The following TENM4 variants were observed in gnomAD, a reference collection of about 807,000 sequenced individuals.
The protein encoded by TENM4 is teneurin-4.
A neutral mutation model predicts 243.3 loss-of-function variants in TENM4; 82 were observed. The ratio of observed to expected loss-of-function variants is 0.34; its 90% CI spans 0.28 to 0.40. TENM4 has a LOEUF of 0.40. TENM4 is among the 10% of genes least tolerant of loss of function. TENM4 has a pLI of 1.00. For missense variants in TENM4, 3,138 were observed against 3,673.3 expected (o/e 0.85, Z 3.77); for synonymous variants, 1,412 against 1,456.3 (o/e 0.97, Z 0.69).
At chr11:78,815,106 G>T (rs1857577243) in intron 12 of TENM4, among the ~76,000 whole-genome samples, 1 of 152,200 alleles carries the variant, frequency 6.6e-6, no homozygotes, top group South Asian at 2.1e-4. Context: ...CTCTTTTCTG[G>T]CTGGGCGTGG....
intron 2 of TENM4, among the ~76,000 whole-genome samples, chr11:79,251,823 A>T (rs1312965102): frequency 6.6e-6 from 1 of 151,348 alleles, no homozygotes; most frequent in Non-Finnish European, 1.5e-5. Flanking sequence ...AAAAAAAAAC[A>T]TTATCACTAA....
At chr11:78,931,424 T>C (rs1856666459) in intron 6 of TENM4, among the ~76,000 whole-genome samples, 1 of 152,136 alleles carries the variant, frequency 6.6e-6, no homozygotes, top group South Asian at 2.1e-4. Flanking sequence ...AGCACTGGTG[T>C]TTTCAGTAGT....
intron 1 of TENM4, among the ~76,000 whole-genome samples, chr11:79,382,131 G>C (rs1858016875): frequency 6.6e-6 from 1 of 152,154 alleles, no homozygotes; most frequent in Non-Finnish European, 1.5e-5. Flanking sequence ...ATAGGTACAG[G>C]GAGTTGCCCA....
At chr11:79,085,418 T>A (rs556618547) in intron 4 of TENM4, among the ~76,000 whole-genome samples, 5 of 151,848 alleles carry the variant, frequency 3.3e-5, no homozygotes, top group South Asian at 4.2e-4. Flanking sequence ...TCAGGCTTTT[T>A]TGAGTCAGGC....
intron 21 of TENM4, among the ~76,000 whole-genome samples, chr11:78,731,537 G>C (rs1855668404): frequency 6.6e-6 from 1 of 152,204 alleles, no homozygotes. Flanking sequence ...CATTAGGCAG[G>C]TGAGACAACC....
intron 3 of TENM4, among the ~76,000 whole-genome samples, chr11:79,190,805 C>T (rs1326051248): frequency 9.6e-6 from 1 of 103,836 alleles, no homozygotes; most frequent in Non-Finnish European, 1.9e-5. Flanking sequence ...CCCTCTCCCT[C>T]TCCCGTCTCC....
intron 12 of TENM4, among the ~76,000 whole-genome samples, chr11:78,836,400 A>G (rs1858116861): frequency 6.6e-6 from 1 of 152,120 alleles, no homozygotes. Context: ...AAGAGCCTTA[A>G]TTTTTCTGAA....
intron 7 of TENM4, among the ~76,000 whole-genome samples, chr11:78,896,871 T>C (rs541218841): frequency 2.1e-4 from 32 of 152,088 alleles, no homozygotes; most frequent in Non-Finnish European, 4.4e-4. Context: ...TCTTCATCTC[T>C]AATATGGGGA....
chr11:79,132,209 G>A (rs935919233), intron 4 of TENM4, among the ~76,000 whole-genome samples: 21 of 151,654 alleles, frequency 1.4e-4, no homozygotes, highest in African/African-American at 3.9e-4. Flanking sequence ...AGCCGGGCGC[G>A]GTGGTGGGTG....
intron 1 of TENM4, among the ~76,000 whole-genome samples, chr11:79,399,987 T>A (rs1858423147): frequency 6.6e-6 from 1 of 152,098 alleles, no homozygotes; most frequent in African/African-American, 2.4e-5. Flanking sequence ...AAATCCTTCT[T>A]TAAACAACCC....
chr11:79,382,164 G>C (rs1043272460), intron 1 of TENM4, among the ~76,000 whole-genome samples: 2 of 152,188 alleles, frequency 1.3e-5, no homozygotes, highest in African/African-American at 4.8e-5. Context: ...TCATTAGGGG[G>C]AGGGCCAAGA....
intron 12 of TENM4, among the ~76,000 whole-genome samples, chr11:78,840,976 T>A (rs1020778654): frequency 1.3e-5 from 2 of 152,150 alleles, no homozygotes; most frequent in Admixed American, 1.3e-4. Flanking sequence ...ATTACAAACT[T>A]AAAGTTAGGT....
intron 6 of TENM4, among the ~76,000 whole-genome samples, chr11:79,024,553 T>C (rs1036046451): frequency 1.3e-5 from 2 of 152,220 alleles, no homozygotes; most frequent in Non-Finnish European, 2.9e-5. Context: ...ATCAGATATA[T>C]GGCCTTGTAC....
intron 4 of TENM4, among the ~76,000 whole-genome samples, chr11:79,107,128 C>G (rs77002206): frequency 4.6e-5 from 7 of 152,168 alleles, no homozygotes; most frequent in Non-Finnish European, 8.8e-5. Flanking sequence ...AACTTGCTCA[C>G]GGTTCTATTT....
intron 18 of TENM4, among the ~76,000 whole-genome samples, chr11:78,759,305 GC>G (rs1467119780): frequency 6.6e-6 from 1 of 152,200 alleles, no homozygotes; most frequent in Non-Finnish European, 1.5e-5. Flanking sequence ...CATAATTACA[GC>G]CCGAGCTGAG....
intron 4 of TENM4, among the ~76,000 whole-genome samples, chr11:79,087,931 G>T (rs1860849729): frequency 6.6e-6 from 1 of 152,218 alleles, no homozygotes; most frequent in African/African-American, 2.4e-5. Context: ...AACTGTGGCT[G>T]CCTCTCTACC....
intron 4 of TENM4, among the ~76,000 whole-genome samples, chr11:79,127,476 G>C (rs544784324): frequency 6.9e-6 from 1 of 144,576 alleles, no homozygotes; most frequent in African/African-American, 2.5e-5. Context: ...CACATCTCCT[G>C]GTACCTGGTA....
chr11:78,668,759 T>C (rs1858227836), intron 32 of TENM4, among the ~76,000 whole-genome samples, 178 bp downstream of exon 32: 1 of 152,214 alleles, frequency 6.6e-6, no homozygotes, highest in African/African-American at 2.4e-5. Flanking sequence ...GCTGGAACCA[T>C]TTTTCCAGAG....
intron 18 of TENM4, among the ~76,000 whole-genome samples, chr11:78,757,730 A>T (rs1856342312): frequency 6.6e-6 from 1 of 152,258 alleles, no homozygotes; most frequent in African/African-American, 2.4e-5. Context: ...AGCAATTCTC[A>T]GCGTCTCTCC....
Sources: allele counts gnomAD v4.1 joint callset (sites outside exome capture counted in the v4.1 genomes callset), GRCh38; gene constraint gnomAD v4.1.1; transcripts MANE v1.5; gene names NCBI Gene and HGNC (gene_info 2026-07-23, HGNC 2026-07-21).